Variants in CLNK observed in about 807,000 individuals in gnomAD.
The protein encoded by CLNK is cytokine-dependent hematopoietic cell linker.
A neutral mutation model predicts 68.6 loss-of-function variants in CLNK; 74 were observed. The observed-to-expected ratio is 1.08, with a 90% CI of 0.89 to 1.31. CLNK has a LOEUF of 1.31. Among genes scored for constraint, CLNK ranks in the 50% most tolerant of loss-of-function variants. The probability of loss-of-function intolerance (pLI) is 0.00; values close to 1 mark genes in which losing one functional copy is unlikely to be tolerated. For missense variants in CLNK, 553 were observed against 515.3 expected (o/e 1.07, Z -0.71); for synonymous variants, 198 against 172.2 (o/e 1.15, Z -1.17).
the CLNK span, among the ~76,000 whole-genome samples, chr4:10,694,554 T>C: frequency 1.3e-5 from 2 of 152,294 alleles, no homozygotes; most frequent in South Asian, 4.2e-4. Context: ...TAACATGCTG[T>C]ACAGGTTTGT....
intron 2 of CLNK, among the ~76,000 whole-genome samples, chr4:10,637,704 C>G (rs557864639): frequency 8.8e-5 from 13 of 148,294 alleles, no homozygotes; most frequent in Non-Finnish European, 1.8e-4. Context: ...ATGCCATTCT[C>G]CTGCCTCAGC....
At chr4:10,503,888 T>A (rs1272287080) in intron 17 of CLNK, among the ~76,000 whole-genome samples, 1 of 146,618 alleles carries the variant, frequency 6.8e-6, no homozygotes, top group African/African-American at 2.5e-5. Flanking sequence ...GTTAAAGTGA[T>A]TCTCCTGCCT....
intron 8 of CLNK, among the ~76,000 whole-genome samples, chr4:10,551,462 T>C (rs1451959131): frequency 6.6e-6 from 1 of 151,928 alleles, no homozygotes; most frequent in Non-Finnish European, 1.5e-5. Context: ...GGTTTTACCA[T>C]GTTGCCCAGG....
intron 7 of CLNK, among the ~76,000 whole-genome samples, chr4:10,562,101 CTTT>C (rs11345903): frequency 5.4e-5 from 7 of 129,268 alleles, no homozygotes; most frequent in Non-Finnish European, 9.5e-5. Context: ...TTTTTCTTTT[CTTT>C]TTTTTTTTTT....
intron 2 of CLNK, among the ~76,000 whole-genome samples, chr4:10,652,101 C>A (rs1030099181): frequency 6.6e-6 from 1 of 151,978 alleles, no homozygotes; most frequent in African/African-American, 2.4e-5. Flanking sequence ...ACATTTGAGG[C>A]CAGGTGCAGT....
intron 2 of CLNK, among the ~76,000 whole-genome samples, chr4:10,633,341 G>A (rs1055948494): frequency 5.3e-5 from 8 of 152,228 alleles, no homozygotes; most frequent in Non-Finnish European, 1.2e-4. Context: ...GTTATTCTTT[G>A]TGCATGTGTT....
At chr4:10,629,207 A>C (rs1722792680) in intron 2 of CLNK, among the ~76,000 whole-genome samples, 1 of 152,192 alleles carries the variant, frequency 6.6e-6, no homozygotes, top group South Asian at 2.1e-4. Context: ...ATGGTCAGAT[A>C]CATTTGTATG....
chr4:10,729,929 A>G, the CLNK span, among the ~76,000 whole-genome samples: 1 of 152,260 alleles, frequency 6.6e-6, no homozygotes, highest in Non-Finnish European at 1.5e-5. Flanking sequence ...CAGTATCAAG[A>G]CAATACTTTT....
chr4:10,509,332 A>T (rs974806286), intron 16 of CLNK, among the ~76,000 whole-genome samples: 1 of 152,026 alleles, frequency 6.6e-6, no homozygotes, highest in Non-Finnish European at 1.5e-5. Context: ...CTCTAACTCA[A>T]CCCTGCAGCC....
At chr4:10,522,876 G>T (rs563509375) in intron 14 of CLNK, among the ~76,000 whole-genome samples, 1 of 152,302 alleles carries the variant, frequency 6.6e-6, no homozygotes, top group South Asian at 2.1e-4. Flanking sequence ...AAGATGAACC[G>T]AGCTGACCCC....
At chr4:10,686,871 G>T (rs536454658), upstream of CLNK, among the ~76,000 whole-genome samples, 327 of 152,204 alleles carry the variant, frequency 2.1e-3, 2 homozygotes, top group African/African-American at 7.4e-3. Flanking sequence ...GGTTTAATGA[G>T]AAAGCTGATA....
chr4:10,704,266 G>C, the CLNK span, among the ~76,000 whole-genome samples: 1 of 152,096 alleles, frequency 6.6e-6, no homozygotes, highest in Non-Finnish European at 1.5e-5. Flanking sequence ...TTAAGCTTCT[G>C]TAAAATGCCA....
intron 11 of CLNK, among the ~76,000 whole-genome samples, chr4:10,535,227 G>GA (rs377442520): frequency 1.2e-5 from 1 of 81,748 alleles, no homozygotes; most frequent in South Asian, 3.3e-4. Flanking sequence ...AAGAAAGAAA[G>GA]AAAGAAAGAA....
chr4:10,631,409 C>A (rs1722885313), intron 2 of CLNK, among the ~76,000 whole-genome samples: 1 of 152,148 alleles, frequency 6.6e-6, no homozygotes, highest in Non-Finnish European at 1.5e-5. Flanking sequence ...GCCTTTGCCC[C>A]AGATGCTCAG....
chr4:10,564,692 G>A lies in CLNK; in HGVS notation c.378C>T (p.Asn126=). Residue 126 remains asparagine, a synonymous_variant, in exon 7 of 19, where the codon AAC becomes AAT. Transcript: ENST00000226951. ...TCACTCTTTCCAACCTCGTCTGTGT[G>A]TTCCAGGTCGGCTGTCCAATGGAGA... ...TSISIGQPTW[N]TQTRLERVDK... The A allele has an allele frequency of 6.2e-7, 1 of 1,612,690 alleles. No individual in the cohort carries two copies.
chr4:10,577,914 G>A (rs1443621993), intron 4 of CLNK, among the ~76,000 whole-genome samples: 1 of 152,160 alleles, frequency 6.6e-6, no homozygotes, highest in Non-Finnish European at 1.5e-5. Flanking sequence ...TCAAAGGCAC[G>A]AGGAAGGCAA....
At chr4:10,676,082 T>C (rs1724864062) in intron 1 of CLNK, among the ~76,000 whole-genome samples, 1 of 139,660 alleles carries the variant, frequency 7.2e-6, no homozygotes, top group Admixed American at 7.1e-5. Flanking sequence ...TGTGTGTCTA[T>C]GTGTGTGTGT....
chr4:10,507,833 G>C (rs1717375337), intron 17 of CLNK, 126 bp downstream of exon 17: 1 of 712,198 alleles, frequency 1.4e-6, no homozygotes, highest in African/African-American at 1.8e-5. Flanking sequence ...CCAGCACTGA[G>C]AAATGCAGGG....
chr4:10,728,412 G>GTA, the CLNK span, among the ~76,000 whole-genome samples: 2 of 151,632 alleles, frequency 1.3e-5, no homozygotes, highest in East Asian at 3.9e-4. Flanking sequence ...GTGTGTGTGT[G>GTA]TGTAGCTAAA....
Sources: gnomAD v4.1 joint callset for allele counts (sites outside exome capture counted in the v4.1 genomes callset) on GRCh38, gnomAD v4.1.1 for gene constraint, MANE v1.5 for transcripts, NCBI Gene and HGNC (gene_info 2026-07-23, HGNC 2026-07-21) for gene names.